PLA2R1: variants seen among roughly 807,000 people sequenced by gnomAD.
The protein encoded by PLA2R1 is phospholipase A2 receptor 1, also known as secretory phospholipase A2 receptor.
A neutral mutation model predicts 195.9 loss-of-function variants in PLA2R1; 158 were observed. The observed-to-expected ratio is 0.81, with a 90% CI of 0.71 to 0.92. The LOEUF (loss-of-function observed/expected upper bound fraction) is 0.92. Ranked by LOEUF, PLA2R1 falls within the 40% of genes least tolerant of loss-of-function variation. The pLI is 0.00. For synonymous variants in PLA2R1, 586 were observed against 598.2 expected (o/e 0.98, Z 0.30); for missense variants, 1,626 against 1,764.6 (o/e 0.92, Z 1.41).
At position 159,937,623 on chromosome 2, in the gene PLA2R1, T is replaced by C. The variant is rs1686895093; in HGVS notation, c.*4155A>G. 1 of 152,236 alleles carries C rather than the reference T, an allele frequency of 6.6e-6. No individual in the cohort carries two copies. The highest frequency in any genetic ancestry group is 1.5e-5 in the Non-Finnish European group (1 of 68,038). The allele number at this position is 152,236 out of a possible 1,614,324, so 9.4% of individuals were successfully genotyped here. ...AAGATGTTAGGTTCTTGGCAACACA[T>C]GCTTCACTTTGCTTTCACCAGACTT... On this transcript the variant is annotated 3_prime_UTR_variant, in exon 30 of 30. Transcript: ENST00000283243.
At chr2:159,943,974 A>C (rs759165748) in intron 28 of PLA2R1, among the ~76,000 whole-genome samples, 3 of 151,608 alleles carry the variant, frequency 2.0e-5, no homozygotes, top group Non-Finnish European at 4.4e-5. Context: ...TAGTTTAATC[A>C]CTCAAATTAC....
chr2:160,033,217 T>C, intron 3 of PLA2R1, 85 bp from the exon 4 acceptor site: 1 of 1,056,042 alleles, frequency 9.5e-7, no homozygotes, highest in Non-Finnish European at 1.4e-6. Context: ...AATGGAATTA[T>C]TCCATCTTGC....
Position 159,969,356 on chromosome 2 carries a change from C to A in PLA2R1, c.2664G>T (p.Trp888Cys), listed in dbSNP as rs762625863. Reference protein sequence around the residue: ...QEERANDEFRWRDGTPVIYQN... With the variant: ...QEERANDEFRCRDGTPVIYQN... ...GGTATATCACTGGTGTTCCATCTCT[C>A]CAGCTGTGGGAAGATTAAAAATGTT... Residue 888 changes from tryptophan (W) to cysteine (C), a missense_variant, in exon 19 of 30, where the codon TGG becomes TGT. Physicochemically the swap from Trp to Cys is radical, Grantham distance 215. Transcript: ENST00000283243. The A allele has an allele frequency of 1.9e-6, 3 of 1,565,232 alleles. No individual in the cohort carries two copies. Among genetic ancestry groups the A allele is most frequent in the Non-Finnish European group, 2.6e-6 (3 of 1,136,280 alleles).
chr2:160,034,946 C>T lies in PLA2R1; in HGVS notation c.668-1814G>A, dbSNP rs972400457. Among the ~76,000 whole-genome samples, 24 of 152,172 alleles carry T rather than the reference C, an allele frequency of 1.6e-4. 1 individual carries two copies. In the South Asian group the frequency reaches 2.3e-3, roughly 15 times the overall value. ...AAGTAGAAAATTCGACACCTGACCT[C>T]GTGATGGGTTTTGGTCAATACTTTG... On this transcript the variant is annotated intron_variant, in intron 3 of 29. Coordinates refer to ENST00000283243, the MANE Select transcript of PLA2R1 (RefSeq NM_007366.5).
chr2:160,011,141 G>T (rs1692335021), intron 10 of PLA2R1, among the ~76,000 whole-genome samples: 1 of 152,224 alleles, frequency 6.6e-6, no homozygotes, highest in South Asian at 2.1e-4. Flanking sequence ...CAGTTTTGGG[G>T]AAAATGAAAC....
chr2:160,035,859 C>T (rs1468823777), intron 3 of PLA2R1, among the ~76,000 whole-genome samples: 1 of 152,126 alleles, frequency 6.6e-6, no homozygotes, highest in Non-Finnish European at 1.5e-5. Flanking sequence ...CATCAATGAC[C>T]CCTGTGTTGC....
At chr2:159,951,674 T>C in intron 23 of PLA2R1, 96 bp from the exon 24 acceptor site, 1 of 708,020 alleles carries the variant, frequency 1.4e-6, no homozygotes, top group Non-Finnish European at 2.6e-6. Flanking sequence ...TGATCCATGT[T>C]GATCAGAGTG....
At chr2:160,013,703 GTC>G (rs879130648) in intron 9 of PLA2R1, among the ~76,000 whole-genome samples, 1,062 of 95,662 alleles carry the variant, frequency 0.011, 24 homozygotes, top group Admixed American at 0.05. Flanking sequence ...CTCTCTCTCT[GTC>G]TCTCTCTCTC....
chr2:159,976,753 C>A (rs1376360746), intron 15 of PLA2R1, 33 bp from the exon 16 acceptor site: 1 of 1,585,818 alleles, frequency 6.3e-7, no homozygotes, highest in East Asian at 2.2e-5. Context: ...TTTGACTGAT[C>A]TTGCTTCTCA....
chr2:159,999,355 T>TAATTATGCAATAGGGTTA (rs1691442378), intron 11 of PLA2R1, among the ~76,000 whole-genome samples: 25 of 2,376 alleles, frequency 0.011, 1 homozygote, highest in Admixed American at 0.035. Flanking sequence ...TAATTTTTTT[T>TAATTATGCAATAGGGTTA]TTTTTTTTTT....
rs577078609 is a variant in PLA2R1 at position 160,062,364 on chromosome 2, C to CCAGCAGCAG, written c.31_39dup (p.Leu11_Leu13dup). 1.3e-6 allele frequency: 2 copies of CCAGCAGCAG among 1,535,658 alleles called. No individual in the cohort carries two copies. Among genetic ancestry groups the CCAGCAGCAG allele is most frequent in the Non-Finnish European group, 8.8e-7 (1 of 1,140,308 alleles). On this transcript the variant is annotated inframe_insertion, in exon 1 of 30. Coordinates refer to ENST00000283243, the MANE Select transcript of PLA2R1 (RefSeq NM_007366.5). ...CCCTCGGCGCAGCCCCGCGGCGCCC[C>CCAGCAGCAG]CAGCAGCAGCAGCAGCAGCAGCGAC...
At chr2:159,950,715 G>T (rs1424668231) in intron 24 of PLA2R1, among the ~76,000 whole-genome samples, 1 of 152,160 alleles carries the variant, frequency 6.6e-6, no homozygotes, top group East Asian at 1.9e-4. Context: ...ACATGAATAT[G>T]TATGTGTATA....
At chr2:159,925,156 A>ATGGTGC in the PLA2R1 span, among the ~76,000 whole-genome samples, 1 of 151,660 alleles carries the variant, frequency 6.6e-6, no homozygotes, top group Non-Finnish European at 1.5e-5. Flanking sequence ...GTTAAAAACA[A>ATGGTGC]TGGTGCTAAC....
At chr2:159,994,226 T>A (rs553553445) in intron 11 of PLA2R1, among the ~76,000 whole-genome samples, 1 of 151,426 alleles carries the variant, frequency 6.6e-6, no homozygotes, top group South Asian at 2.1e-4. Flanking sequence ...AAAAAGAAAA[T>A]AGAGTAACAC....
chr2:159,969,177 T>C lies in PLA2R1; in HGVS notation c.2764+79A>G, dbSNP rs1688979169. On this transcript the variant is annotated intron_variant, in intron 19 of 29. Coordinates refer to ENST00000283243, the MANE Select transcript of PLA2R1 (RefSeq NM_007366.5). ...AATAAACAGAAACTTCTCATGGAAATGATGCAAGGAAAAGACTTTAAGCCT... is the reference window on the plus strand; with the variant it reads ...AATAAACAGAAACTTCTCATGGAAACGATGCAAGGAAAAGACTTTAAGCCT... 34 of 701,926 alleles carry C rather than the reference T, an allele frequency of 4.8e-5. 1 individual carries two copies. 43.5% of individuals were successfully genotyped at this position (701,926 alleles called of 1,614,324 possible). A position where few individuals can be genotyped will look rare whatever the true frequency, so the allele number is the denominator to read the frequency against.
At position 160,060,978 on chromosome 2, in the gene PLA2R1, A is replaced by G. The variant is rs968637666; in HGVS notation, c.109+1317T>C. Among the ~76,000 whole-genome samples the G allele has an allele frequency of 1.1e-4, 17 of 152,378 alleles. No homozygotes were observed. The South Asian group carries it at 2.9e-3, about 26-fold the overall frequency. ...GGTAAGAGCATCTCTGACTTTGGTC[A>G]CTTTAGAATAAGAATGGTCTTGTTC... On this transcript the variant is annotated intron_variant, in intron 1 of 29. Transcript: ENST00000283243.
chr2:159,970,269 A>T, intron 17 of PLA2R1, 57 bp from the exon 18 acceptor site: 1 of 1,230,112 alleles, frequency 8.1e-7, no homozygotes, highest in South Asian at 1.3e-5. Context: ...TTCACTATTA[A>T]GAGTAATGGG....
intron 9 of PLA2R1, among the ~76,000 whole-genome samples, chr2:160,016,263 C>CAAA (rs11396932): frequency 0.043 from 4,388 of 102,710 alleles, 150 homozygotes; most frequent in African/African-American, 0.075. Flanking sequence ...GACTCTGTCT[C>CAAA]AAAAAAAAAA....
intron 8 of PLA2R1, 101 bp from the exon 9 acceptor site, chr2:160,016,813 G>A (rs1333380228): frequency 2.5e-5 from 16 of 652,926 alleles, no homozygotes; most frequent in Admixed American, 7.7e-5. Context: ...ATGTGCTCCC[G>A]CGTGGGATAA....
Sources: gnomAD v4.1 joint callset for allele counts (sites outside exome capture counted in the v4.1 genomes callset) on GRCh38, gnomAD v4.1.1 for gene constraint, MANE v1.5 for transcripts, NCBI Gene and HGNC (gene_info 2026-07-23, HGNC 2026-07-21) for gene names.